The following FSTL5 variants were observed in gnomAD, a reference collection of about 807,000 sequenced individuals.
The protein encoded by FSTL5 is follistatin-related protein 5.
A neutral mutation model predicts 89.1 loss-of-function variants in FSTL5; 62 were observed. The ratio of observed to expected loss-of-function variants is 0.70; its 90% confidence interval spans 0.57 to 0.86. The LOEUF (loss-of-function observed/expected upper bound fraction) is 0.86, where lower values mean the gene tolerates loss of function less well. Ranked by LOEUF, FSTL5 falls within the 40% of genes least tolerant of loss-of-function variation. FSTL5 has a pLI of 0.00. For synonymous variants in FSTL5, 383 were observed against 346.2 expected (o/e 1.11, Z -1.18); for missense variants, 1,057 against 1,001.6 (o/e 1.06, Z -0.75).
At chr4:161,447,443 C>T (rs886353868) in intron 15 of FSTL5, among the ~76,000 whole-genome samples, 6 of 152,024 alleles carry the variant, frequency 3.9e-5, no homozygotes, top group Admixed American at 2.0e-4. Context: ...CTATTTTGTT[C>T]TTCCACTTTG....
intron 3 of FSTL5, among the ~76,000 whole-genome samples, chr4:161,955,720 T>C (rs1469217821): frequency 6.6e-6 from 1 of 151,880 alleles, no homozygotes; most frequent in Non-Finnish European, 1.5e-5. Flanking sequence ...AACCTTCCTT[T>C]GGAATGCGCA....
intron 6 of FSTL5, among the ~76,000 whole-genome samples, chr4:161,676,960 A>C (rs561666765): frequency 6.6e-6 from 1 of 152,190 alleles, no homozygotes; most frequent in Non-Finnish European, 1.5e-5. Context: ...AGTTAGCCAT[A>C]TTTTAAAACA....
intron 15 of FSTL5, among the ~76,000 whole-genome samples, chr4:161,439,319 G>A (rs1394688021): frequency 6.6e-6 from 1 of 152,190 alleles, no homozygotes; most frequent in Non-Finnish European, 1.5e-5. Flanking sequence ...GTGTATGTTT[G>A]GTGTTTGTGG....
At chr4:161,713,116 G>A in intron 6 of FSTL5, among the ~76,000 whole-genome samples, 1 of 152,100 alleles carries the variant, frequency 6.6e-6, no homozygotes, top group East Asian at 1.9e-4. Flanking sequence ...ATTAATCCAG[G>A]TACAGGTGGT....
intron 4 of FSTL5, among the ~76,000 whole-genome samples, chr4:161,917,963 AT>A (rs1207624903): frequency 1.3e-5 from 2 of 152,104 alleles, no homozygotes; most frequent in African/African-American, 2.4e-5. Flanking sequence ...TATATTTTCC[AT>A]TTTTTTATTT....
intron 8 of FSTL5, among the ~76,000 whole-genome samples, chr4:161,562,435 T>A (rs776423785): frequency 1.2e-4 from 18 of 151,976 alleles, no homozygotes; most frequent in Non-Finnish European, 2.2e-4. Context: ...TTAATAAAAT[T>A]AAGTATTGAA....
chr4:161,544,314 C>T (rs1203791993), intron 8 of FSTL5, among the ~76,000 whole-genome samples: 1 of 151,946 alleles, frequency 6.6e-6, no homozygotes, highest in Non-Finnish European at 1.5e-5. Context: ...TAAAATGATG[C>T]AGCCATGCAA....
rs773603449 is a variant in FSTL5, at chr4:161,523,403, TATA to T, written c.1313-12982_1313-12980del. Among the ~76,000 whole-genome samples, 9 of 152,334 alleles carry T rather than the reference TATA, an allele frequency of 5.9e-5. No homozygotes were observed. The South Asian group carries it at 6.2e-4, about 11-fold the overall frequency. ...GGACAGCAGATTACCTTCTATCTATTATAATAAGTTCTTTCCAGTGCCAGTTTT... is the reference window on the plus strand; with the variant it reads ...GGACAGCAGATTACCTTCTATCTATTATAAGTTCTTTCCAGTGCCAGTTTT... On this transcript the variant is annotated intron_variant, in intron 10 of 15. Coordinates refer to ENST00000306100, the MANE Select transcript of FSTL5 (RefSeq NM_020116.5).
intron 1 of FSTL5, among the ~76,000 whole-genome samples, chr4:162,144,779 A>T (rs1732904589): frequency 2.0e-5 from 3 of 152,184 alleles, no homozygotes; most frequent in African/African-American, 7.2e-5. Flanking sequence ...GGTTCATTAA[A>T]TTTTTTTAAT....
chr4:161,697,104 A>C (rs1014522450), intron 6 of FSTL5, among the ~76,000 whole-genome samples: 3 of 152,202 alleles, frequency 2.0e-5, no homozygotes, highest in Non-Finnish European at 2.9e-5. Context: ...CACAACTCAG[A>C]TCTCCATAGC....
At chr4:161,494,727 A>T (rs1418597922) in intron 12 of FSTL5, among the ~76,000 whole-genome samples, 2 of 152,130 alleles carry the variant, frequency 1.3e-5, no homozygotes. Flanking sequence ...AAGTATAATG[A>T]GTTCAGTTCT....
intron 3 of FSTL5, among the ~76,000 whole-genome samples, chr4:161,971,616 A>T (rs1293384569): frequency 6.6e-6 from 1 of 152,154 alleles, no homozygotes; most frequent in Non-Finnish European, 1.5e-5. Context: ...TAAAATATTT[A>T]AATATGTAAT....
Position 161,970,875 on chromosome 4 carries a change from A to G in FSTL5, c.161-50223T>C, listed in dbSNP as rs530144447. Among the ~76,000 whole-genome samples the G allele has an allele frequency of 5.3e-5, 8 of 152,240 alleles. No homozygotes were observed. The East Asian group carries it at 1.5e-3, about 29-fold the overall frequency. On this transcript the variant is annotated intron_variant, in intron 3 of 15. Transcript: ENST00000306100. ...CTAAGCAATTGTAACTGTATCAGTTATATTTGAACAATGAATTTTAAGTGA... is the reference window on the plus strand; with the variant it reads ...CTAAGCAATTGTAACTGTATCAGTTGTATTTGAACAATGAATTTTAAGTGA...
chr4:161,473,464 C>T (rs528735371), intron 13 of FSTL5, among the ~76,000 whole-genome samples: 3 of 127,564 alleles, frequency 2.4e-5, no homozygotes, highest in African/African-American at 9.1e-5. Flanking sequence ...CCCACTCTGT[C>T]TCCCAGGCTG....
chr4:161,605,816 C>G lies in FSTL5; in HGVS notation c.895-18241G>C, dbSNP rs183940513. Among the ~76,000 whole-genome samples the G allele has an allele frequency of 9.9e-4, 151 of 152,280 alleles. 1 individual carries two copies. Among genetic ancestry groups the G allele is most frequent in the African/African-American group, 3.4e-3 (143 of 41,574 alleles). On this transcript the variant is annotated intron_variant, in intron 7 of 15. Coordinates refer to ENST00000306100, the MANE Select transcript of FSTL5 (RefSeq NM_020116.5). ...CTGATTTCATTGATGGTCTTAATTG[C>G]TTTTCTAAACCATGTCAGTTGTTCT...
intron 2 of FSTL5, among the ~76,000 whole-genome samples, chr4:162,036,746 G>C (rs1737755515): frequency 6.6e-6 from 1 of 151,924 alleles, no homozygotes; most frequent in African/African-American, 2.4e-5. Context: ...CAATAGTACA[G>C]AATTATTCTG....
chr4:161,831,448 G>A (rs1579124272), intron 4 of FSTL5, among the ~76,000 whole-genome samples: 1 of 151,604 alleles, frequency 6.6e-6, no homozygotes, highest in Non-Finnish European at 1.5e-5. Flanking sequence ...GCATTTTTGA[G>A]GAGGCAGTAA....
At chr4:161,981,528 A>G (rs1003300642) in intron 3 of FSTL5, among the ~76,000 whole-genome samples, 1 of 152,118 alleles carries the variant, frequency 6.6e-6, no homozygotes, top group African/African-American at 2.4e-5. Flanking sequence ...TACTTTTGAA[A>G]TTGACATGTA....
At chr4:161,889,102 T>C (rs1732905850) in intron 4 of FSTL5, among the ~76,000 whole-genome samples, 1 of 152,212 alleles carries the variant, frequency 6.6e-6, no homozygotes, top group African/African-American at 2.4e-5. Flanking sequence ...TTTTAAAATG[T>C]ATCCTTTTTT....
Sources: allele counts gnomAD v4.1 joint callset (sites outside exome capture counted in the v4.1 genomes callset), GRCh38; gene constraint gnomAD v4.1.1; transcripts MANE v1.5; gene names NCBI Gene and HGNC (gene_info 2026-07-23, HGNC 2026-07-21).